WNK3: variants seen among roughly 807,000 people sequenced by gnomAD.
WNK3 encodes the protein serine/threonine-protein kinase WNK3.
In WNK3, 18 loss-of-function variants were observed where a neutral mutation model predicts 116.7. The ratio of observed to expected loss-of-function variants is 0.15; its 90% CI spans 0.11 to 0.23. The LOEUF (loss-of-function observed/expected upper bound fraction) is 0.23. WNK3 is among the 10% of genes least tolerant of loss of function. WNK3 has a pLI of 1.00. For synonymous variants in WNK3, 404 were observed against 469.4 expected (o/e 0.86, Z 1.80); for missense variants, 993 against 1,323.8 (o/e 0.75, Z 3.88).
chrX:54,250,462 G>C (rs2146933408), intron 15 of WNK3, among the ~76,000 whole-genome samples: 1 of 111,791 alleles, frequency 8.9e-6, no homozygotes, highest in South Asian at 3.7e-4. Context: ...TTATGATAGT[G>C]CTTATATAAA....
chrX:54,207,904 A>G (rs2067572316), intron 22 of WNK3, among the ~76,000 whole-genome samples: 1 of 109,930 alleles, frequency 9.1e-6, no homozygotes, highest in South Asian at 3.9e-4. Flanking sequence ...CCCTCAACCC[A>G]CTACAGGTAA....
At chrX:54,303,821 C>G (rs1277062974) in intron 5 of WNK3, among the ~76,000 whole-genome samples, 1 of 110,738 alleles carries the variant, frequency 9.0e-6, no homozygotes, top group Non-Finnish European at 1.9e-5. Flanking sequence ...GGAAAAAGCC[C>G]TCTTTGACCT....
At chrX:54,337,557 C>T (rs868911416) in intron 1 of WNK3, among the ~76,000 whole-genome samples, 1 of 73,882 alleles carries the variant, frequency 1.4e-5, no homozygotes, top group Non-Finnish European at 2.5e-5. Flanking sequence ...AGACTAGTCT[C>T]AAATAAATAA....
At chrX:54,215,459 G>A (rs1202333293) in intron 22 of WNK3, among the ~76,000 whole-genome samples, 2 of 112,882 alleles carry the variant, frequency 1.8e-5, no homozygotes, top group East Asian at 2.8e-4. Context: ...CCGAGGTGCC[G>A]GGATTGCAGA....
chrX:54,324,544 C>T (rs1342206991), intron 2 of WNK3, among the ~76,000 whole-genome samples: 2 of 112,177 alleles, frequency 1.8e-5, no homozygotes, highest in East Asian at 2.8e-4. Flanking sequence ...TAATAAAGTT[C>T]GTGACTAGTT....
intron 21 of WNK3, among the ~76,000 whole-genome samples, chrX:54,230,074 A>G (rs1557148641): frequency 9.0e-6 from 1 of 111,684 alleles, no homozygotes; most frequent in Non-Finnish European, 1.9e-5. Flanking sequence ...TAAGAGAATG[A>G]AAAGACAAGC....
chrX:54,262,603 G>C (rs781784737), intron 10 of WNK3, among the ~76,000 whole-genome samples: 1 of 110,946 alleles, frequency 9.0e-6, no homozygotes, highest in African/African-American at 3.3e-5. Context: ...CTAAGAGGCA[G>C]TGAGGATACA....
At chrX:54,338,811 G>A (rs950411108) in intron 1 of WNK3, among the ~76,000 whole-genome samples, 2 of 108,748 alleles carry the variant, frequency 1.8e-5, no homozygotes, top group Non-Finnish European at 3.8e-5. Context: ...AGACCACACT[G>A]GCCAACATGG....
At chrX:54,323,962 A>G (rs1474659440) in intron 2 of WNK3, among the ~76,000 whole-genome samples, 1 of 112,566 alleles carries the variant, frequency 8.9e-6, no homozygotes, top group Admixed American at 9.5e-5. Flanking sequence ...TAAAACAGAA[A>G]TGTATTATCT....
chrX:54,292,011 C>T (rs1160480136), intron 10 of WNK3, among the ~76,000 whole-genome samples: 1 of 111,341 alleles, frequency 9.0e-6, no homozygotes, highest in Non-Finnish European at 1.9e-5. Flanking sequence ...AATCCATAAC[C>T]TAGGGAACCA....
chrX:54,333,755 G>T, exon 2 of WNK3: 1 of 775,494 alleles, frequency 1.3e-6, no homozygotes, highest in Non-Finnish European at 1.8e-6. Flanking sequence ...TTATCAGAAT[G>T]GACTTCCTTT....
intron 2 of WNK3, among the ~76,000 whole-genome samples, chrX:54,321,876 CT>C (rs2069039919): frequency 9.2e-6 from 1 of 108,282 alleles, no homozygotes; most frequent in African/African-American, 3.4e-5. Flanking sequence ...AGGAAATTCG[CT>C]TGACCCGGGA....
chrX:54,298,437 A>C, intron 6 of WNK3, 43 bp from the exon 7 acceptor site: 1 of 952,945 alleles, frequency 1.0e-6, no homozygotes, highest in Non-Finnish European at 1.5e-6. Context: ...TCTTCCAATC[A>C]TAGCAAGACC....
intron 10 of WNK3, among the ~76,000 whole-genome samples, chrX:54,261,920 G>C (rs1181962129): frequency 8.9e-6 from 1 of 111,831 alleles, no homozygotes; most frequent in African/African-American, 3.2e-5. Flanking sequence ...GGAATTGCTA[G>C]ACATTTTTAA....
At chrX:54,329,422 T>G (rs782662228) in intron 2 of WNK3, among the ~76,000 whole-genome samples, 29 of 111,546 alleles carry the variant, frequency 2.6e-4, no homozygotes, top group African/African-American at 9.4e-4. Flanking sequence ...GCAGATCACC[T>G]GAGGTCCGGA....
exon 17 of WNK3, chrX:54,249,439 A>T: frequency 8.3e-7 from 1 of 1,211,692 alleles, no homozygotes; most frequent in South Asian, 1.8e-5. Context: ...AACTGGTGCC[A>T]TTATCTGCCT....
intron 10 of WNK3, among the ~76,000 whole-genome samples, chrX:54,279,297 A>G (rs1441192907): frequency 9.0e-6 from 1 of 111,123 alleles, no homozygotes; most frequent in Non-Finnish European, 1.9e-5. Context: ...TGTTTATATA[A>G]GGCAAAAACT....
exon 2 of WNK3, chrX:54,333,276 GCTT>G: frequency 8.3e-7 from 1 of 1,210,942 alleles, no homozygotes; most frequent in Non-Finnish European, 1.1e-6. Flanking sequence ...CTTCATTTCT[GCTT>G]CTTCTTCCAT....
intron 1 of WNK3, among the ~76,000 whole-genome samples, chrX:54,354,876 G>A (rs1557179135): frequency 9.1e-6 from 1 of 110,173 alleles, no homozygotes; most frequent in Admixed American, 9.8e-5. Context: ...TTGAGGTCAG[G>A]AGTTTGAGAC....
Sources: allele counts gnomAD v4.1 joint callset (sites outside exome capture counted in the v4.1 genomes callset), GRCh38; gene constraint gnomAD v4.1.1; transcripts MANE v1.5; gene names NCBI Gene and HGNC (gene_info 2026-07-23, HGNC 2026-07-21).